The following VARS1 variants were observed in gnomAD, a reference collection of about 807,000 sequenced individuals.
VARS1 encodes valyl-tRNA synthetase 1.
A neutral mutation model predicts 161.0 loss-of-function variants in VARS1; 92 were observed. The ratio of observed to expected loss-of-function variants is 0.57; its 90% CI spans 0.48 to 0.68. The LOEUF (loss-of-function observed/expected upper bound fraction) is 0.68. Among genes scored for constraint, VARS1 ranks in the 30% least tolerant of loss-of-function variants. The pLI is 0.00. For synonymous variants in VARS1, 595 were observed against 682.5 expected (o/e 0.87, Z 2.00); for missense variants, 1,338 against 1,695.9 (o/e 0.79, Z 3.71).
chr6:31,784,281 GT>G lies in VARS1; in HGVS notation c.1603del (p.Thr535GlnfsTer13), dbSNP rs1280675780. 2.1e-5 allele frequency: 34 copies of G among 1,614,196 alleles called. No homozygotes were observed. Among genetic ancestry groups the G allele is most frequent in the Non-Finnish European group, 2.7e-5 (32 of 1,180,044 alleles). On this transcript the variant is annotated frameshift_variant, in exon 13 of 30. Coordinates refer to ENST00000375663, the MANE Select transcript of VARS1 (RefSeq NM_006295.3). LOFTEE classifies it high-confidence loss of function. The surrounding 1 kb of genome is among the most constrained non-coding windows in gnomAD (Gnocchi z 6.1). ...SDSDEEVVVA[T>X]TRIETMLGDV... is the part of the protein sequence containing the mutation. ...TCCCAGCATTGTCTCGATCCGAGTT[GT>G]TGCCACCACCACCTCCTCGTCGCTA...
rs779853464 is a variant in VARS1 at position 31,777,690 on chromosome 6, G to A, written c.3727-28C>T. The stretch of plus-strand genomic sequence containing the variant: ...GGAGTGGAACCAGGGGGTGGGTGAG[G>A]ACCCAGGTCCAAGTGAAGAGACCCC... On this transcript the variant is annotated intron_variant, in intron 29 of 29. Transcript: ENST00000375663. The surrounding 1 kb of genome is among the most constrained non-coding windows in gnomAD (Gnocchi z 5.8). 1.5e-5 allele frequency: 24 copies of A among 1,607,950 alleles called. No homozygotes were observed. In the Admixed American group the frequency reaches 4.1e-4, roughly 27 times the overall value.
In VARS1 at chr6:31,780,688, C is replaced by T. The variant is rs763658418; in HGVS notation, c.2797+17G>A. ...AGGAGGAAGGAGTGGCTGGGAGGGACGCTTTGGGGGCCATACCCTGGGACA... is the reference window on the plus strand; with the variant it reads ...AGGAGGAAGGAGTGGCTGGGAGGGATGCTTTGGGGGCCATACCCTGGGACA... On this transcript the variant is annotated intron_variant, in intron 24 of 29. Transcript: ENST00000375663. The surrounding 1 kb of genome is among the most constrained non-coding windows in gnomAD (Gnocchi z 5.1). 7 of 1,613,992 alleles carry T rather than the reference C, an allele frequency of 4.3e-6. No homozygotes were observed. Among genetic ancestry groups the T allele is most frequent in the South Asian group, 2.2e-5 (2 of 91,080 alleles).
intron 8 of VARS1, among the ~76,000 whole-genome samples, chr6:31,790,602 C>CAAAAAAAAAAAAAAAAAAAAAAAAAAA (rs9279419): frequency 2.3e-5 from 1 of 43,386 alleles, no homozygotes; most frequent in African/African-American, 9.8e-5. Flanking sequence ...AACTCTGTCT[C>CAAAAAAAAAAAAAAAAAAAAAAAAAAA]AAAAAAAAAA....
At chr6:31,783,378 C>G (rs897613614) in intron 13 of VARS1, 192 bp from the exon 14 acceptor site, 12 of 600,614 alleles carry the variant, frequency 2.0e-5, no homozygotes, top group South Asian at 4.1e-5. Context: ...GGTGTGGTGA[C>G]GCGTGCCTGT....
In VARS1 at chr6:31,777,614, G is replaced by A; in HGVS notation, c.3775C>T (p.Leu1259=). The A allele has an allele frequency of 6.2e-7, 1 of 1,614,128 alleles. No individual in the cohort carries two copies. The highest frequency in any genetic ancestry group is 8.5e-7 in the Non-Finnish European group (1 of 1,180,006). The change falls in exon 30 of 30, where the codon CTA becomes TTA. Residue 1259 remains leucine (L), a synonymous_variant. Coordinates refer to ENST00000375663, the MANE Select transcript of VARS1 (RefSeq NM_006295.3). The surrounding 1 kb of genome is among the most constrained non-coding windows in gnomAD (Gnocchi z 5.8). ...ELRKVDEAIA[L]FQKML ...GTGGATCACAGCATCTTCTGGAATA[G>A]GGCGATGGCCTCATCCACCTTCCTG...
chr6:31,779,519 G>T lies in VARS1; in HGVS notation c.3306C>A (p.Pro1102=). Residue 1102 remains proline, a synonymous_variant, in exon 28 of 30, where the codon CCC becomes CCA. Coordinates refer to ENST00000375663, the MANE Select transcript of VARS1 (RefSeq NM_006295.3). The surrounding 1 kb of genome is among the most constrained non-coding windows in gnomAD (Gnocchi z 9.1). The part of the protein sequence containing the change: ...PEPSECSWKD[P]EAEAALELAL... ...CCAGCTCAAGGGCGGCTTCTGCCTC[G>T]GGGTCCTTCCAGGAGCACTGTGGGG... 1.2e-6 allele frequency: 2 copies of T among 1,612,728 alleles called. No homozygotes were observed. The highest frequency in any genetic ancestry group is 1.1e-5 in the South Asian group (1 of 91,086).
chr6:31,783,652 G>C (rs906596498), intron 13 of VARS1, among the ~76,000 whole-genome samples: 1 of 144,654 alleles, frequency 6.9e-6, no homozygotes, highest in Non-Finnish European at 1.5e-5. Flanking sequence ...GTGAGACCTT[G>C]TCTCTATTTA....
chr6:31,777,711 A>AC lies in VARS1; in HGVS notation c.3727-50dup. 6.3e-7 allele frequency: 1 copy of AC among 1,583,776 alleles called. No individual in the cohort carries two copies. Among genetic ancestry groups the AC allele is most frequent in the Non-Finnish European group, 8.6e-7 (1 of 1,162,250 alleles). ...TGAGGACCCAGGTCCAAGTGAAGAG[A>AC]CCCCCAAACACCCAGGACAACAAAG... On this transcript the variant is annotated intron_variant, in intron 29 of 29. Transcript: ENST00000375663. This position sits in a 1 kb window ranked among gnomAD's most constrained non-coding sequence, Gnocchi z 5.8.
intron 8 of VARS1, among the ~76,000 whole-genome samples, chr6:31,788,881 A>G (rs1304720553): frequency 6.6e-6 from 1 of 152,076 alleles, no homozygotes; most frequent in Admixed American, 6.6e-5. Context: ...AGTTACTTGC[A>G]AAATGCACAA....
chr6:31,793,913 G>T (rs554276482), intron 2 of VARS1, among the ~76,000 whole-genome samples: 14 of 152,044 alleles, frequency 9.2e-5, no homozygotes, highest in African/African-American at 3.4e-4. Flanking sequence ...GACCAGCCTG[G>T]TCAACATGAC....
At chr6:31,790,922 T>G (rs1813827563) in intron 8 of VARS1, among the ~76,000 whole-genome samples, 1 of 152,112 alleles carries the variant, frequency 6.6e-6, no homozygotes, top group African/African-American at 2.4e-5. Context: ...TGGCTAAATC[T>G]TAGGAGGAAG....
In VARS1 at chr6:31,779,055, C is replaced by T. The variant is rs896365541; in HGVS notation, c.3638G>A (p.Arg1213Gln). The change falls in exon 29 of 30, where the codon CGG (arginine) becomes CAG (glutamine). Residue 1213 changes from arginine to glutamine, a missense_variant. Arg to Gln is a conservative substitution (Grantham distance 43, BLOSUM62 1). Around this residue, in one of 3 missense-constraint regions of VARS1, gnomAD observed 433 missense variants for 586.2 expected, o/e 0.74. Coordinates refer to ENST00000375663, the MANE Select transcript of VARS1 (RefSeq NM_006295.3). The surrounding 1 kb of genome is among the most constrained non-coding windows in gnomAD (Gnocchi z 9.1). The stretch of plus-strand genomic sequence containing the variant: ...GCGTTCCCGCAGACGCTGGGCCTGC[C>T]GCTGGGCCTCAACTCGCTTGGCTTG... The part of the protein sequence containing the change: ...KLQAKRVEAQ[R>Q]QAQRLRERRA... 9.9e-6 allele frequency: 16 copies of T among 1,612,630 alleles called. No individual in the cohort carries two copies. The highest frequency in any genetic ancestry group is 1.7e-4 in the Middle Eastern group (1 of 6,020).
At position 31,782,524 on chromosome 6, in the gene VARS1, C is replaced by A; in HGVS notation, c.1991+6G>T. ...TCTTCCTCCCGTCCCAGGCCCCCAC[C>A]CTCACTTGCAAAGTGGCACCACCAT... is the stretch of plus-strand genomic sequence containing the variant. On this transcript the variant is annotated splice_donor_region_variant and intron_variant, in intron 16 of 29. Coordinates refer to ENST00000375663, the MANE Select transcript of VARS1 (RefSeq NM_006295.3). This position sits in a 1 kb window ranked among gnomAD's most constrained non-coding sequence, Gnocchi z 8.3. The A allele has an allele frequency of 6.2e-7, 1 of 1,613,006 alleles. No individual in the cohort carries two copies. The highest frequency in any genetic ancestry group is 8.5e-7 in the Non-Finnish European group (1 of 1,180,024).
chr6:31,787,281 A>G (rs1482290055), intron 8 of VARS1, among the ~76,000 whole-genome samples: 3 of 152,136 alleles, frequency 2.0e-5, no homozygotes, highest in African/African-American at 7.2e-5. Context: ...CATTAAAGTA[A>G]TGGGAGTGTC....
rs1334874846 is a variant in VARS1 at position 31,778,866 on chromosome 6, C to T, written c.3726+101G>A. The T allele has an allele frequency of 1.0e-5, 15 of 1,461,616 alleles. No homozygotes were observed. The highest frequency in any genetic ancestry group is 2.3e-5 in the East Asian group (1 of 43,880). 90.5% of individuals were successfully genotyped at this position (1,461,616 alleles called of 1,614,324 possible). ...GAACAAAGAAATCTGTAACTGGTTA[C>T]GATCAATTAGTTGTCAACACCACTG... On this transcript the variant is annotated intron_variant, in intron 29 of 29. Coordinates refer to ENST00000375663, the MANE Select transcript of VARS1 (RefSeq NM_006295.3). This position sits in a 1 kb window ranked among gnomAD's most constrained non-coding sequence, Gnocchi z 5.1.
chr6:31,777,609 G>A lies in VARS1; in HGVS notation c.3780C>T (p.Phe1260=). ...GGGTGGTGGATCACAGCATCTTCTG[G>A]AATAGGGCGATGGCCTCATCCACCT... ...LRKVDEAIAL[F]QKML The change falls in exon 30 of 30, where the codon TTC becomes TTT. Residue 1260 remains phenylalanine, a synonymous_variant. Transcript: ENST00000375663. This position sits in a 1 kb window ranked among gnomAD's most constrained non-coding sequence, Gnocchi z 5.8. 1 of 1,614,126 alleles carries A rather than the reference G, an allele frequency of 6.2e-7. No individual in the cohort carries two copies. The highest frequency in any genetic ancestry group is 1.1e-5 in the South Asian group (1 of 91,072).
chr6:31,795,094 G>C lies in VARS1; in HGVS notation c.124C>G (p.Leu42Val). Residue 42 changes from leucine (L) to valine (V), a missense_variant, in exon 2 of 30, where the codon CTC becomes GTC. Leu to Val is a conservative substitution (Grantham distance 32). Transcript: ENST00000375663. The surrounding 1 kb of genome is among the most constrained non-coding windows in gnomAD (Gnocchi z 6.9). The stretch of plus-strand genomic sequence containing the variant: ...GTCCTGCTAGTCGGGGGTGGCTGGA[G>C]ACAGATGCGGGGGTGGGCTCCTCCC... Reference protein sequence around the residue: ...GWGGAHPRICLQPPPTSRTPF... With the variant: ...GWGGAHPRICVQPPPTSRTPF... 6.7e-7 allele frequency: 1 copy of C among 1,494,632 alleles called. No individual in the cohort carries two copies. Among genetic ancestry groups the C allele is most frequent in the East Asian group, 2.3e-5 (1 of 42,992 alleles). 92.6% of individuals were successfully genotyped at this position (1,494,632 alleles called of 1,614,324 possible). A position where few individuals can be genotyped will look rare whatever the true frequency, so the allele number is the denominator to read the frequency against.
chr6:31,794,832 T>A lies in VARS1; in HGVS notation c.386A>T (p.Gln129Leu), dbSNP rs777181955. The A allele has an allele frequency of 4.4e-6, 7 of 1,592,810 alleles. No individual in the cohort carries two copies. The highest frequency in any genetic ancestry group is 6.0e-6 in the Non-Finnish European group (7 of 1,165,820). ...CCCTCTTCTGTACAACCCCCTCACC[T>A]GGGGGTCCTGGGCCGAGCTTCGGAG... ...LGLRSSAQDP[Q>L]AVLGALGRAL... Residue 129 changes from glutamine (Q) to leucine (L), a missense_variant and splice_region_variant, in exon 2 of 30, where the codon CAG (glutamine) becomes CTG (leucine). Gln to Leu is a moderately radical substitution (Grantham distance 113). Around this residue, in one of 3 missense-constraint regions of VARS1, gnomAD observed 902 missense variants for 1,090.3 expected, o/e 0.83. Transcript: ENST00000375663.
rs368043725 is a variant in VARS1, at chr6:31,777,562, G to A, written c.*32C>T. On this transcript the variant is annotated 3_prime_UTR_variant, in exon 30 of 30. Transcript: ENST00000375663. This position sits in a 1 kb window ranked among gnomAD's most constrained non-coding sequence, Gnocchi z 5.8. ...ATTGCTGCCATCCCCATGGTGAGCC[G>A]CTGGGGGTGAGGGGTGAAGCTGGGT... The A allele has an allele frequency of 1.2e-5, 19 of 1,612,100 alleles. No homozygotes were observed. Among genetic ancestry groups the A allele is most frequent in the African/African-American group, 5.3e-5 (4 of 74,892 alleles).
Sources: allele counts gnomAD v4.1 joint callset (sites outside exome capture counted in the v4.1 genomes callset), GRCh38; gene constraint gnomAD v4.1.1; regional missense constraint gnomAD v4.1.1; non-coding constraint Gnocchi (gnomAD v3.1); transcripts MANE v1.5; gene names NCBI Gene and HGNC (gene_info 2026-07-23, HGNC 2026-07-21).